Variants in HS3ST3A1 observed in about 807,000 individuals in gnomAD.
HS3ST3A1 encodes heparan sulfate glucosamine 3-O-sulfotransferase 3A1.
HS3ST3A1 carries 19 observed loss-of-function variants against 25.7 expected under a neutral mutation model. That is an observed-to-expected ratio of 0.74 (90% confidence interval 0.52 to 1.08). HS3ST3A1 has a LOEUF of 1.08. Among genes scored for constraint, HS3ST3A1 ranks in the 50% least tolerant of loss-of-function variants. The probability of loss-of-function intolerance (pLI) is 0.00; values close to 1 mark genes in which losing one functional copy is unlikely to be tolerated. For synonymous variants in HS3ST3A1, 226 were observed against 278.6 expected, an observed-to-expected ratio of 0.81 and a Z score of 1.88; for missense variants, 459 against 594.3, an observed-to-expected ratio of 0.77 and a Z score of 2.37.
chr17:13,550,998 C>T (rs770963391), intron 1 of HS3ST3A1, among the ~76,000 whole-genome samples: 1 of 146,782 alleles, frequency 6.8e-6, no homozygotes, highest in Non-Finnish European at 1.5e-5. Context: ...ACCCGGGAGG[C>T]GAAGCTTGCA....
chr17:13,518,345 T>C (rs1906120216), intron 1 of HS3ST3A1, among the ~76,000 whole-genome samples: 1 of 152,352 alleles, frequency 6.6e-6, no homozygotes, highest in Admixed American at 6.5e-5. Context: ...TTGAGTTACA[T>C]CTGTTTCCAA....
chr17:13,512,099 A>G (rs1348681120), intron 1 of HS3ST3A1, among the ~76,000 whole-genome samples: 1 of 152,074 alleles, frequency 6.6e-6, no homozygotes, highest in East Asian at 1.9e-4. Flanking sequence ...GGAGATCGAG[A>G]CCATCCTGGC....
chr17:13,601,015 A>G lies in HS3ST3A1; in HGVS notation c.115T>C (p.Phe39Leu). The part of the protein sequence containing the change: ...LCSLLTSLYV[F>L]YCLAERCQTL... ...TGGCAGCGCTCGGCCAGGCAGTAGA[A>G]GACGTAAAGGGACGTGAGCAGGGAG... The change falls in exon 1 of 2, where the codon TTC becomes CTC. Residue 39 changes from phenylalanine (F) to leucine (L), a missense_variant. Coordinates refer to ENST00000284110, the MANE Select transcript of HS3ST3A1 (RefSeq NM_006042.3). 1 of 1,588,590 alleles carries G rather than the reference A, an allele frequency of 6.3e-7. No homozygotes were observed. Among genetic ancestry groups the G allele is most frequent in the Non-Finnish European group, 8.6e-7 (1 of 1,167,738 alleles).
intron 1 of HS3ST3A1, among the ~76,000 whole-genome samples, chr17:13,548,068 T>C (rs79180173): frequency 0.05 from 7,660 of 152,272 alleles, 255 homozygotes; most frequent in African/African-American, 0.097. Context: ...ACTCTCATGG[T>C]TTCCAGTAGC....
chr17:13,512,321 A>AAAAAAAAAAAAC (rs1395357582), intron 1 of HS3ST3A1, among the ~76,000 whole-genome samples: 2,798 of 144,088 alleles, frequency 0.019, 70 homozygotes, highest in Non-Finnish European at 0.025. Flanking sequence ...AAAAAAAAAA[A>AAAAAAAAAAAAC]AAAAAACTGC....
At chr17:13,552,325 C>A (rs1907267650) in intron 1 of HS3ST3A1, among the ~76,000 whole-genome samples, 1 of 152,124 alleles carries the variant, frequency 6.6e-6, no homozygotes, top group South Asian at 2.1e-4. Flanking sequence ...TCGTGATCCA[C>A]CCGCCTCGGC....
At chr17:13,496,878 C>A in intron 1 of HS3ST3A1, 60 bp from the exon 2 acceptor site, 2 of 1,566,442 alleles carry the variant, frequency 1.3e-6, no homozygotes, top group Non-Finnish European at 1.7e-6. Context: ...CCAGGAGAGA[C>A]TGTCAAGTAC....
intron 1 of HS3ST3A1, among the ~76,000 whole-genome samples, chr17:13,506,611 G>C (rs902901373): frequency 6.6e-6 from 1 of 152,184 alleles, no homozygotes; most frequent in Non-Finnish European, 1.5e-5. Context: ...TCAAATGAAG[G>C]CTAACTTGAC....
chr17:13,535,599 A>C (rs1906748243), intron 1 of HS3ST3A1, among the ~76,000 whole-genome samples: 1 of 152,210 alleles, frequency 6.6e-6, no homozygotes, highest in South Asian at 2.1e-4. Flanking sequence ...GCAAGTAGGC[A>C]AATTTGCAGA....
intron 1 of HS3ST3A1, among the ~76,000 whole-genome samples, chr17:13,499,526 T>G (rs748701441): frequency 7.2e-5 from 11 of 152,116 alleles, no homozygotes; most frequent in Non-Finnish European, 1.5e-4. Flanking sequence ...TTATTTCAAA[T>G]TTTGACCAGT....
intron 1 of HS3ST3A1, among the ~76,000 whole-genome samples, chr17:13,547,537 C>T (rs866878012): frequency 1.4e-4 from 22 of 152,154 alleles, no homozygotes; most frequent in African/African-American, 5.1e-4. Flanking sequence ...AGAAAGCTTA[C>T]GGAGGTGCTG....
chr17:13,595,381 TCTC>T lies in HS3ST3A1; in HGVS notation c.599+5147_599+5149del, dbSNP rs1908546593. 2.6e-5 allele frequency among the ~76,000 whole-genome samples: 4 copies of T among 152,220 alleles called. No homozygotes were observed. In the South Asian group the frequency reaches 6.2e-4, roughly 24 times the overall value. On this transcript the variant is annotated intron_variant, in intron 1 of 1. Transcript: ENST00000284110. ...TTCCCCAATTACTTAATAACATTCC[TCTC>T]ATAAATTCAATTTCTAAATTTTGGC...
At chr17:13,572,738 C>T (rs1348691819) in intron 1 of HS3ST3A1, among the ~76,000 whole-genome samples, 2 of 152,222 alleles carry the variant, frequency 1.3e-5, no homozygotes, top group Admixed American at 6.5e-5. Flanking sequence ...GGGAATTCAA[C>T]AGCTATTTTC....
chr17:13,500,852 G>A (rs930018558), intron 1 of HS3ST3A1, among the ~76,000 whole-genome samples: 9 of 152,178 alleles, frequency 5.9e-5, no homozygotes, highest in African/African-American at 2.2e-4. Context: ...ATTCACAATA[G>A]CCAAAGAGTG....
chr17:13,498,588 CTG>C (rs57260752), intron 1 of HS3ST3A1, among the ~76,000 whole-genome samples: 2,884 of 152,242 alleles, frequency 0.019, 85 homozygotes, highest in African/African-American at 0.066. Context: ...ACCTTCATTC[CTG>C]AGAGGGTCCT....
chr17:13,565,268 T>C (rs1403329160), intron 1 of HS3ST3A1, among the ~76,000 whole-genome samples: 1 of 152,158 alleles, frequency 6.6e-6, no homozygotes, highest in Non-Finnish European at 1.5e-5. Context: ...CCAGGCGCAG[T>C]TGCCCCTGCC....
intron 1 of HS3ST3A1, among the ~76,000 whole-genome samples, chr17:13,564,021 C>A (rs1907616512): frequency 6.6e-6 from 1 of 152,086 alleles, no homozygotes; most frequent in African/African-American, 2.4e-5. Flanking sequence ...GTCTTGTGGA[C>A]CACAAAGCTG....
rs1362623351 is a variant in HS3ST3A1, at chr17:13,600,814, C to T, written c.316G>A (p.Asp106Asn). The part of the protein sequence containing the change: ...WRRRRPPAPR[D>N]DGEEAAWEEE... ...TCCCAGGCCGCCTCCTCGCCGTCGTCGCGGGGCGCGGGCGGCCGGCGCCTC... is the reference window on the plus strand; with the variant it reads ...TCCCAGGCCGCCTCCTCGCCGTCGTTGCGGGGCGCGGGCGGCCGGCGCCTC... The change falls in exon 1 of 2, where the codon GAC becomes AAC. Residue 106 changes from aspartate to asparagine, a missense_variant. Asp to Asn is a conservative substitution (Grantham distance 23). Around this residue, in one of 3 missense-constraint regions of HS3ST3A1, gnomAD observed 346 missense variants for 303.9 expected, o/e 1.14. Coordinates refer to ENST00000284110, the MANE Select transcript of HS3ST3A1 (RefSeq NM_006042.3). The T allele has an allele frequency of 2.1e-6, 3 of 1,413,002 alleles. No individual in the cohort carries two copies. The highest frequency in any genetic ancestry group is 3.0e-5 in the East Asian group (1 of 33,722). The allele number at this position is 1,413,002 out of a possible 1,614,324, so 87.5% of individuals were successfully genotyped here.
At chr17:13,585,534 C>T (rs1420921422) in intron 1 of HS3ST3A1, among the ~76,000 whole-genome samples, 2 of 150,882 alleles carry the variant, frequency 1.3e-5, no homozygotes, top group Admixed American at 6.6e-5. Context: ...TTTTAAAATG[C>T]ATTTCAAAGT....
Sources: gnomAD v4.1 joint callset for allele counts (sites outside exome capture counted in the v4.1 genomes callset) on GRCh38, gnomAD v4.1.1 for gene constraint, gnomAD v4.1.1 regional missense constraint, MANE v1.5 for transcripts, NCBI Gene and HGNC (gene_info 2026-07-23, HGNC 2026-07-21) for gene names.